The following PARD3B variants were observed in gnomAD, a reference collection of about 807,000 sequenced individuals.
PARD3B encodes the protein par-3 family cell polarity regulator beta, also known as partitioning defective 3 homolog B.
In PARD3B, 103 loss-of-function variants were observed where a neutral mutation model predicts 130.2. The ratio of observed to expected loss-of-function variants is 0.79; its 90% CI spans 0.67 to 0.93. The LOEUF is 0.93. Among genes scored for constraint, PARD3B ranks in the 40% least tolerant of loss-of-function variants. PARD3B has a pLI of 0.00. For missense variants in PARD3B, 1,609 were observed against 1,499.2 expected (o/e 1.07, Z -1.21); for synonymous variants, 583 against 553.2 (o/e 1.05, Z -0.76).
chr2:205,171,905 A>G (rs940526779), intron 11 of PARD3B, among the ~76,000 whole-genome samples: 7 of 152,200 alleles, frequency 4.6e-5, no homozygotes, highest in African/African-American at 1.7e-4. Flanking sequence ...CAAATGGCAG[A>G]ATCAGGTCAG....
chr2:204,702,280 G>A (rs1235519673), intron 2 of PARD3B, among the ~76,000 whole-genome samples: 1 of 152,138 alleles, frequency 6.6e-6, no homozygotes, highest in Non-Finnish European at 1.5e-5. Flanking sequence ...TTGCTGGGTT[G>A]AATGTTAGTT....
At chr2:205,462,712 G>A (rs1382423171) in intron 20 of PARD3B, among the ~76,000 whole-genome samples, 1 of 152,072 alleles carries the variant, frequency 6.6e-6, no homozygotes, top group Non-Finnish European at 1.5e-5. Context: ...TCTGTACTTG[G>A]ATAAAAGAAG....
intron 3 of PARD3B, among the ~76,000 whole-genome samples, chr2:205,013,783 C>T (rs892626688): frequency 1.2e-4 from 19 of 152,066 alleles, no homozygotes; most frequent in African/African-American, 4.6e-4. Context: ...GCAACTGTGG[C>T]GGGTTCACAG....
intron 18 of PARD3B, among the ~76,000 whole-genome samples, chr2:205,383,786 A>G (rs1488946767): frequency 6.6e-6 from 1 of 152,052 alleles, no homozygotes; most frequent in African/African-American, 2.4e-5. Context: ...CTGGTATGTA[A>G]TGAATGGAAC....
intron 18 of PARD3B, among the ~76,000 whole-genome samples, chr2:205,339,742 T>G (rs1248397962): frequency 6.6e-6 from 1 of 152,138 alleles, no homozygotes; most frequent in African/African-American, 2.4e-5. Flanking sequence ...ACGGGCGCTA[T>G]AAGTTGTGCT....
intron 3 of PARD3B, among the ~76,000 whole-genome samples, chr2:205,036,233 C>CTA (rs1254047677): frequency 7.4e-6 from 1 of 135,344 alleles, no homozygotes; most frequent in African/African-American, 2.7e-5. Flanking sequence ...ATATAGTGGG[C>CTA]TATATATATA....
At chr2:204,796,344 A>C (rs2042375428) in intron 2 of PARD3B, among the ~76,000 whole-genome samples, 1 of 152,200 alleles carries the variant, frequency 6.6e-6, no homozygotes, top group Non-Finnish European at 1.5e-5. Flanking sequence ...CTGGCAAAAG[A>C]GTGATAGTCC....
intron 10 of PARD3B, among the ~76,000 whole-genome samples, chr2:205,154,623 A>G (rs781447108): frequency 1.3e-5 from 2 of 152,232 alleles, no homozygotes; most frequent in Non-Finnish European, 2.9e-5. Context: ...ACTATTCACA[A>G]TAGCAAAGAC....
chr2:204,818,905 G>A (rs1173517151), intron 2 of PARD3B, among the ~76,000 whole-genome samples: 1 of 152,164 alleles, frequency 6.6e-6, no homozygotes, highest in African/African-American at 2.4e-5. Flanking sequence ...CCATTTTCAT[G>A]GGAGAGTATG....
intron 15 of PARD3B, among the ~76,000 whole-genome samples, chr2:205,212,798 C>A (rs953722435): frequency 2.6e-5 from 4 of 152,140 alleles, no homozygotes; most frequent in Non-Finnish European, 4.4e-5. Flanking sequence ...CTTTGACTCT[C>A]TTTTACATAT....
At chr2:204,980,020 A>G (rs529446305) in intron 3 of PARD3B, among the ~76,000 whole-genome samples, 6 of 152,344 alleles carry the variant, frequency 3.9e-5, no homozygotes, top group African/African-American at 1.2e-4. Context: ...ACTTCTGTTC[A>G]TTAAAAGACT....
At chr2:205,220,153 C>G (rs2038161473) in intron 15 of PARD3B, among the ~76,000 whole-genome samples, 1 of 152,164 alleles carries the variant, frequency 6.6e-6, no homozygotes, top group Non-Finnish European at 1.5e-5. Flanking sequence ...CCTGGGTGAT[C>G]ATTTTAAAAC....
intron 21 of PARD3B, among the ~76,000 whole-genome samples, chr2:205,514,534 A>G (rs905164222): frequency 7.2e-5 from 11 of 152,078 alleles, no homozygotes; most frequent in African/African-American, 2.7e-4. Context: ...TGAAACACAT[A>G]ATGAATGGCA....
intron 20 of PARD3B, among the ~76,000 whole-genome samples, chr2:205,476,915 T>G (rs2049041637): frequency 6.6e-6 from 1 of 152,228 alleles, no homozygotes; most frequent in Non-Finnish European, 1.5e-5. Flanking sequence ...AATATTAACT[T>G]CTCACCTTGG....
At chr2:204,553,675 T>TGG (rs1421409996) in intron 1 of PARD3B, among the ~76,000 whole-genome samples, 2 of 119,580 alleles carry the variant, frequency 1.7e-5, no homozygotes, top group African/African-American at 7.9e-5. Flanking sequence ...TATATATATA[T>TGG]ATATATATAT....
intron 15 of PARD3B, among the ~76,000 whole-genome samples, chr2:205,218,187 C>T (rs1032644493): frequency 6.6e-6 from 1 of 151,942 alleles, no homozygotes; most frequent in Non-Finnish European, 1.5e-5. Flanking sequence ...CCACCACGCC[C>T]AGCCCAAATT....
chr2:204,652,508 A>G (rs1274503582), intron 1 of PARD3B, among the ~76,000 whole-genome samples: 1 of 152,194 alleles, frequency 6.6e-6, no homozygotes, highest in Non-Finnish European at 1.5e-5. Context: ...CACTAGCAGC[A>G]TTTTGGTCAA....
chr2:205,253,183 A>G lies in PARD3B; in HGVS notation c.2185+7361A>G. 7.7e-6 allele frequency: 3 copies of G among 390,832 alleles called. No individual in the cohort carries two copies. Among genetic ancestry groups the G allele is most frequent in the South Asian group, 5.7e-5 (3 of 52,350 alleles). 24.2% of individuals were successfully genotyped at this position (390,832 alleles called of 1,614,324 possible). Reference sequence around the variant, plus strand: ...TAGCTCCAACTTACAGGTTAGGACCAGCTTTTCTGCAGGTGTTGACCAGCA... The same window carrying G: ...TAGCTCCAACTTACAGGTTAGGACCGGCTTTTCTGCAGGTGTTGACCAGCA... On this transcript the variant is annotated intron_variant, in intron 16 of 22. Coordinates refer to ENST00000406610, the MANE Select transcript of PARD3B (RefSeq NM_001302769.2). This position sits in a 1 kb window ranked among gnomAD's most constrained non-coding sequence, Gnocchi z 4.4.
intron 15 of PARD3B, among the ~76,000 whole-genome samples, chr2:205,221,121 T>C (rs769723250): frequency 8.5e-5 from 13 of 152,182 alleles, no homozygotes; most frequent in Non-Finnish European, 1.8e-4. Context: ...AAATAGACCA[T>C]AGGGACTAAA....
Sources: allele counts gnomAD v4.1 joint callset (sites outside exome capture counted in the v4.1 genomes callset), GRCh38; gene constraint gnomAD v4.1.1; non-coding constraint Gnocchi (gnomAD v3.1); transcripts MANE v1.5; gene names NCBI Gene and HGNC (gene_info 2026-07-23, HGNC 2026-07-21).